ZNF557: variants seen among roughly 807,000 people sequenced by gnomAD.
The protein encoded by ZNF557 is zinc finger protein 557, also known as CTB-25J19.9.
In ZNF557, 19 loss-of-function variants were observed where a neutral mutation model predicts 21.2. The observed-to-expected ratio is 0.90, with a 90% CI of 0.63 to 1.32. ZNF557 has a LOEUF of 1.32. Ranked by LOEUF, ZNF557 falls within the 40% of genes most tolerant of loss-of-function variation. The pLI, the probability that ZNF557 is intolerant of heterozygous loss-of-function variation, is 0.00. For synonymous variants in ZNF557, 207 were observed against 194.8 expected (o/e 1.06, Z -0.52); for missense variants, 487 against 519.8 (o/e 0.94, Z 0.61).
In ZNF557 at chr19:7,083,117, C is replaced by T. The variant is rs1977752115; in HGVS notation, c.666C>T (p.Tyr222=). 1 of 1,614,138 alleles carries T rather than the reference C, an allele frequency of 6.2e-7. No individual in the cohort carries two copies. The highest frequency in any genetic ancestry group is 8.5e-7 in the Non-Finnish European group (1 of 1,179,998). ...GGAAAACCTTCAGCAGCAGATCTTA[C>T]CTTACTGTTCATAAGAGAATCCACA... ...DCGKTFSSRS[Y]LTVHKRIHNG... Residue 222 remains tyrosine (Y), a synonymous_variant, in exon 8 of 8, where the codon TAC becomes TAT. Transcript: ENST00000252840.
At chr19:7,075,560 G>A (rs368320795) in intron 3 of ZNF557, 95 bp from the exon 4 acceptor site, 1 of 1,222,046 alleles carries the variant, frequency 8.2e-7, no homozygotes, top group Non-Finnish European at 1.2e-6. Context: ...TATGCATGGG[G>A]ACCTGGTCGA....
At position 7,086,229 on chromosome 19, in the gene ZNF557, T is replaced by TGAAAAAAAAAAAA. The variant is rs1568412273; in HGVS notation, c.*2485_*2486insGAAAAAAAAAAAA. The TGAAAAAAAAAAAA allele has an allele frequency of 2.0e-5, 1 of 49,820 alleles. No individual in the cohort carries two copies. Among genetic ancestry groups the TGAAAAAAAAAAAA allele is most frequent in the Non-Finnish European group, 4.0e-5 (1 of 25,020 alleles). 3.1% of individuals were successfully genotyped at this position (49,820 alleles called of 1,614,324 possible). ...CTGGGCAAAAGAGTGCAACTCTGTC[T>TGAAAAAAAAAAAA]CAAAAAAAAAAAAATCAGACAATAT... On this transcript the variant is annotated 3_prime_UTR_variant, in exon 8 of 8. Coordinates refer to ENST00000252840, the MANE Select transcript of ZNF557 (RefSeq NM_024341.3).
chr19:7,082,737 T>C (rs960621293), intron 7 of ZNF557, 141 bp from the exon 8 acceptor site: 19 of 673,494 alleles, frequency 2.8e-5, no homozygotes, highest in Admixed American at 1.8e-4. Flanking sequence ...ACAGAAGCCA[T>C]GTACCAGCAC....
chr19:7,071,137 A>G (rs2145160338), intron 2 of ZNF557, among the ~76,000 whole-genome samples: 1 of 152,316 alleles, frequency 6.6e-6, no homozygotes, highest in East Asian at 1.9e-4. Context: ...AATGTGTGTC[A>G]AAATAAGTCA....
chr19:7,083,273 C>T lies in ZNF557; in HGVS notation c.822C>T (p.Arg274=). 1 of 1,614,182 alleles carries T rather than the reference C, an allele frequency of 6.2e-7. No individual in the cohort carries two copies. The highest frequency in any genetic ancestry group is 8.5e-7 in the Non-Finnish European group (1 of 1,180,034). ...GTAACCAGTGTTTTCGTGAGTTCCG[C>T]ACTCAGTCAATCTTCACAAGGCACA... is the stretch of plus-strand genomic sequence containing the variant. ...YKCNQCFREF[R]TQSIFTRHKR... is the part of the protein sequence containing the mutation. The change falls in exon 8 of 8, where the codon CGC becomes CGT. Residue 274 remains arginine, a synonymous_variant. Coordinates refer to ENST00000252840, the MANE Select transcript of ZNF557 (RefSeq NM_024341.3).
intron 5 of ZNF557, among the ~76,000 whole-genome samples, chr19:7,079,442 G>T (rs577794563): frequency 7.3e-6 from 1 of 137,288 alleles, no homozygotes; most frequent in Non-Finnish European, 1.6e-5. Flanking sequence ...AGGGTTCACC[G>T]TGTTAGCCAG....
chr19:7,079,386 C>T (rs559593086), intron 5 of ZNF557, among the ~76,000 whole-genome samples: 4 of 151,024 alleles, frequency 2.6e-5, no homozygotes, highest in East Asian at 3.9e-4. Context: ...GGACTACAGG[C>T]GCCCACCACC....
Position 7,074,331 on chromosome 19 carries a change from TACAC to T in ZNF557, c.-79-641_-79-638del, listed in dbSNP as rs71177149. Among the ~76,000 whole-genome samples the T allele has an allele frequency of 9.8e-4, 147 of 150,138 alleles. 4 individuals carry two copies. In the East Asian group the frequency reaches 0.027, roughly 27 times the overall value. The stretch of plus-strand genomic sequence containing the variant: ...AGCCGCTTTCATCTTTGTGTGTATA[TACAC>T]ACACACACACACACACACACACAGC... On this transcript the variant is annotated intron_variant, in intron 2 of 7. Transcript: ENST00000252840.
intron 5 of ZNF557, among the ~76,000 whole-genome samples, chr19:7,080,555 G>T (rs1434072869): frequency 6.6e-6 from 1 of 152,156 alleles, no homozygotes; most frequent in African/African-American, 2.4e-5. Flanking sequence ...CTTTGATCCA[G>T]CCCATCAGGG....
intron 2 of ZNF557, among the ~76,000 whole-genome samples, chr19:7,071,474 G>A (rs560657587): frequency 3.9e-5 from 6 of 152,302 alleles, no homozygotes; most frequent in African/African-American, 1.4e-4. Context: ...ATCCCAGAAA[G>A]CCCTGCTGGG....
At chr19:7,079,330 C>T (rs557884222) in intron 5 of ZNF557, among the ~76,000 whole-genome samples, 1 of 150,964 alleles carries the variant, frequency 6.6e-6, no homozygotes, top group Admixed American at 6.6e-5. Flanking sequence ...CAAGCTCTGC[C>T]TCCCAGGTTC....
intron 5 of ZNF557, among the ~76,000 whole-genome samples, chr19:7,080,476 C>T (rs1439994504): frequency 3.3e-5 from 5 of 152,168 alleles, no homozygotes; most frequent in Non-Finnish European, 7.3e-5. Flanking sequence ...CCTCTCCACC[C>T]TCCAGCTTCC....
At position 7,083,059 on chromosome 19, in the gene ZNF557, A is replaced by G; in HGVS notation, c.608A>G (p.Asn203Ser). The G allele has an allele frequency of 6.2e-7, 1 of 1,614,096 alleles. No individual in the cohort carries two copies. The highest frequency in any genetic ancestry group is 8.5e-7 in the Non-Finnish European group (1 of 1,179,976). ...SYLAVHKRIHNGEKPYECNDC... is the reference protein window; with the variant it reads ...SYLAVHKRIHSGEKPYECNDC... ...CTTGCTGTTCATAAGAGAATCCACAATGGGGAGAAACCCTATGAATGCAAT... is the reference window on the plus strand; with the variant it reads ...CTTGCTGTTCATAAGAGAATCCACAGTGGGGAGAAACCCTATGAATGCAAT... The change falls in exon 8 of 8, where the codon AAT (asparagine) becomes AGT (serine). Residue 203 changes from asparagine (N) to serine (S), a missense_variant. Transcript: ENST00000252840.
intron 2 of ZNF557, among the ~76,000 whole-genome samples, chr19:7,074,329 T>TACACACACACACACACACACACAC (rs143012504): frequency 9.5e-5 from 14 of 147,076 alleles, no homozygotes; most frequent in Non-Finnish European, 1.9e-4. Context: ...TTTGTGTGTA[T>TACACACACACACACACACACACAC]ATACACACAC....
intron 5 of ZNF557, among the ~76,000 whole-genome samples, chr19:7,078,469 C>T (rs903931145): frequency 1.1e-4 from 17 of 149,130 alleles, no homozygotes; most frequent in Middle Eastern, 3.4e-3. Flanking sequence ...CTCACTCTGT[C>T]GCCCAGGCTG....
In ZNF557 at chr19:7,074,880, G is replaced by T. The variant is rs1263308531; in HGVS notation, c.-79-116G>T. 310 of 688,952 alleles carry T rather than the reference G, an allele frequency of 4.5e-4. 1 individual carries two copies. Among genetic ancestry groups the T allele is most frequent in the Non-Finnish European group, 9.1e-5 (38 of 418,408 alleles). 42.7% of individuals were successfully genotyped at this position (688,952 alleles called of 1,614,324 possible). Reference sequence around the variant, plus strand: ...CAGGAGGGGGGGTGACCGAGGCAGGGCACGGGCAGGAGACGGGGTGACCGA... The same window carrying T: ...CAGGAGGGGGGGTGACCGAGGCAGGTCACGGGCAGGAGACGGGGTGACCGA... On this transcript the variant is annotated intron_variant, in intron 2 of 7. Transcript: ENST00000252840.
chr19:7,076,437 GC>G lies in ZNF557; in HGVS notation c.178del (p.Leu60TrpfsTer12), dbSNP rs1174512827. The part of the protein sequence containing the change: ...VEFTQEEWAL[L>X]DPAQRTLYRD... ...AGTTCACCCAGGAGGAGTGGGCATT[GC>G]TGGACCCTGCCCAAAGGACACTGTA... On this transcript the variant is annotated frameshift_variant, in exon 5 of 8. Transcript: ENST00000252840. LOFTEE classifies it high-confidence loss of function. 1 of 1,614,094 alleles carries G rather than the reference GC, an allele frequency of 6.2e-7. No individual in the cohort carries two copies. Among genetic ancestry groups the G allele is most frequent in the Non-Finnish European group, 8.5e-7 (1 of 1,180,056 alleles).
rs778408543 is a variant in ZNF557, at chr19:7,075,669, T to A, written c.46T>A (p.Phe16Ile). The A allele has an allele frequency of 1.9e-6, 3 of 1,613,530 alleles. No homozygotes were observed. The highest frequency in any genetic ancestry group is 1.7e-6 in the Non-Finnish European group (2 of 1,179,550). The change falls in exon 4 of 8, where the codon TTC (phenylalanine) becomes ATC (isoleucine). Residue 16 changes from phenylalanine to isoleucine, a missense_variant. Phe to Ile is a conservative substitution (Grantham distance 21, BLOSUM62 0). Coordinates refer to ENST00000252840, the MANE Select transcript of ZNF557 (RefSeq NM_024341.3). ...TCCTCCTCCAGCTCTGTCTTCCCTG[T>A]TCCCAGCCTCTCAGCGAGAAGGACA... The part of the protein sequence containing the change: ...LPPTAALSSL[F>I]PASQREGHTE...
intron 5 of ZNF557, among the ~76,000 whole-genome samples, chr19:7,079,516 A>T (rs1377692090): frequency 2.0e-5 from 3 of 152,178 alleles, no homozygotes; most frequent in Non-Finnish European, 2.9e-5. Flanking sequence ...CTGGGATTAC[A>T]GCCATGAGCC....
Sources: gnomAD v4.1 joint callset for allele counts (sites outside exome capture counted in the v4.1 genomes callset) on GRCh38, gnomAD v4.1.1 for gene constraint, MANE v1.5 for transcripts, NCBI Gene and HGNC (gene_info 2026-07-23, HGNC 2026-07-21) for gene names.